The following MCF2L variants were observed in gnomAD, a reference collection of about 807,000 sequenced individuals.
MCF2L encodes the protein guanine nucleotide exchange factor DBS.
In MCF2L, 97 loss-of-function variants were observed where a neutral mutation model predicts 153.4. The ratio of observed to expected loss-of-function variants is 0.63; its 90% CI spans 0.54 to 0.75. The LOEUF is 0.75. MCF2L is among the 30% of genes least tolerant of loss of function. The pLI is 0.00. For missense variants in MCF2L, 1,347 were observed against 1,495.2 expected, an observed-to-expected ratio of 0.90 and a Z score of 1.64; for synonymous variants, 659 against 632.2, an observed-to-expected ratio of 1.04 and a Z score of -0.64.
intron 3 of MCF2L, chr13:113,044,431 T>C: frequency 2.1e-6 from 1 of 478,794 alleles, no homozygotes; most frequent in South Asian, 2.0e-5. Flanking sequence ...GCCCATAGAC[T>C]GCATAATTTA....
chr13:113,096,509 C>A (rs373247953), intron 28 of MCF2L, 26 bp downstream of exon 28: 43 of 1,581,964 alleles, frequency 2.7e-5, no homozygotes, highest in Non-Finnish European at 3.5e-5. Context: ...CAGCCCCGGA[C>A]TGCCCCGCAC....
At chr13:112,923,201 G>A (rs1436311481) in intron 2 of MCF2L, among the ~76,000 whole-genome samples, 1 of 150,102 alleles carries the variant, frequency 6.7e-6, no homozygotes, top group East Asian at 2.0e-4. Flanking sequence ...CTAGGTGTCA[G>A]AGAGTACGTG....
rs2032857367 is a variant in MCF2L, at chr13:113,070,987, C to T, written c.996+814C>T. ...AGGGTTATATAGTAGTTGCATGTTT[C>T]GTTTAAGAAAATGCCAAACGGTTCT... On this transcript the variant is annotated intron_variant, in intron 9 of 29. Coordinates refer to ENST00000535094, the MANE Select transcript of MCF2L (RefSeq NM_001112732.3). This position sits in a 1 kb window ranked among gnomAD's most constrained non-coding sequence, Gnocchi z 5.6. Among the ~76,000 whole-genome samples the T allele has an allele frequency of 6.6e-6, 1 of 152,152 alleles. No homozygotes were observed. The highest frequency in any genetic ancestry group is 2.1e-4 in the South Asian group (1 of 4,822).
At chr13:112,980,285 A>C (rs1309637963) in intron 1 of MCF2L, among the ~76,000 whole-genome samples, 1 of 152,240 alleles carries the variant, frequency 6.6e-6, no homozygotes. Flanking sequence ...TTCACTTCAG[A>C]GGAGCAAGGG....
intron 16 of MCF2L, among the ~76,000 whole-genome samples, chr13:113,082,064 C>T (rs568730479): frequency 2.4e-4 from 36 of 151,774 alleles, no homozygotes; most frequent in African/African-American, 7.7e-4. Flanking sequence ...CAAATGTAGA[C>T]GGGTGTCTGA....
chr13:112,898,234 C>G (rs933988943), intron 1 of MCF2L, among the ~76,000 whole-genome samples: 5 of 152,192 alleles, frequency 3.3e-5, no homozygotes, highest in Non-Finnish European at 7.3e-5. Context: ...CTGCTTCCCC[C>G]GCATGTGTGG....
rs373803094 is a variant in MCF2L at position 113,086,359 on chromosome 13, T to A, written c.2373+110T>A. ...CCTCGCTTTGGTGTGAATGTGCAGG[T>A]TCTGGGCAGGAGGTCTGGGGTGGTC... is the stretch of plus-strand genomic sequence containing the variant. On this transcript the variant is annotated intron_variant, in intron 21 of 29. Coordinates refer to ENST00000535094, the MANE Select transcript of MCF2L (RefSeq NM_001112732.3). The A allele has an allele frequency of 5.6e-5, 83 of 1,494,812 alleles. No homozygotes were observed. The East Asian group carries it at 1.3e-3, about 23-fold the overall frequency. The allele number at this position is 1,494,812 out of a possible 1,614,324, so 92.6% of individuals were successfully genotyped here. A position where few individuals can be genotyped will look rare whatever the true frequency, so the allele number is the denominator to read the frequency against.
chr13:112,955,691 G>A (rs1305526830), intron 2 of MCF2L, among the ~76,000 whole-genome samples: 3 of 152,178 alleles, frequency 2.0e-5, no homozygotes, highest in Admixed American at 6.5e-5. Context: ...CTGCGCTGGA[G>A]GCTGTTTCCA....
intron 4 of MCF2L, among the ~76,000 whole-genome samples, chr13:113,050,242 G>A (rs1245699927): frequency 6.7e-6 from 1 of 150,366 alleles, no homozygotes; most frequent in Non-Finnish European, 1.5e-5. Flanking sequence ...GTGAGTGTGT[G>A]CGCGAGTGGG....
chr13:112,916,212 T>G (rs1357985369), intron 2 of MCF2L, among the ~76,000 whole-genome samples: 1 of 147,790 alleles, frequency 6.8e-6, no homozygotes, highest in East Asian at 2.0e-4. Flanking sequence ...CCGAGGCGAC[T>G]TTTCCCCTTT....
upstream of MCF2L, chr13:112,965,707 C>G (rs1039016681): frequency 6.6e-6 from 1 of 152,288 alleles, no homozygotes; most frequent in African/African-American, 2.4e-5. Flanking sequence ...GCCCTGCCTG[C>G]TCCAGCTCCC....
intron 2 of MCF2L, among the ~76,000 whole-genome samples, chr13:112,937,676 G>A (rs1277803064): frequency 6.6e-6 from 1 of 152,192 alleles, no homozygotes; most frequent in Non-Finnish European, 1.5e-5. Context: ...GTTCTGATTG[G>A]TTGATACAGC....
chr13:112,961,779 C>A (rs917307402), intron 2 of MCF2L, among the ~76,000 whole-genome samples: 1 of 152,250 alleles, frequency 6.6e-6, no homozygotes, highest in Non-Finnish European at 1.5e-5. Context: ...CTTCCTGTGA[C>A]ACTGAGTCCT....
chr13:112,926,346 A>G (rs58917460), intron 2 of MCF2L, among the ~76,000 whole-genome samples: 659 of 92,678 alleles, frequency 7.1e-3, no homozygotes, highest in Middle Eastern at 0.017. Context: ...TACATACACA[A>G]CGGAGTGCTG....
chr13:112,961,570 T>TCCCAGG lies in MCF2L; in HGVS notation c.170-53184_170-53179dup, dbSNP rs1427274545. Among the ~76,000 whole-genome samples, 18 of 152,168 alleles carry TCCCAGG rather than the reference T, an allele frequency of 1.2e-4. No individual in the cohort carries two copies. The East Asian group carries it at 3.1e-3, about 26-fold the overall frequency. ...CTGCTGCTGTGGGCTTGGTGTGGGG[T>TCCCAGG]CCCAGGCCCAGGCCAGAGCCCACCC... On this transcript the variant is annotated intron_variant, in intron 2 of 29. Coordinates refer to the MCF2L transcript ENST00000375608.
chr13:112,909,629 G>T, intron 2 of MCF2L: 1 of 290,496 alleles, frequency 3.4e-6, no homozygotes. Context: ...AAATGAAGAG[G>T]GTTGTTTTGT....
At chr13:113,017,689 C>G (rs957170670) in intron 2 of MCF2L, among the ~76,000 whole-genome samples, 1 of 152,076 alleles carries the variant, frequency 6.6e-6, no homozygotes, top group African/African-American at 2.4e-5. Context: ...CTCCCTGTCT[C>G]GCTCCACTCG....
chr13:112,960,062 C>A lies in MCF2L; in HGVS notation c.170-54701C>A, dbSNP rs942268527. 3.3e-5 allele frequency among the ~76,000 whole-genome samples: 5 copies of A among 152,256 alleles called. No individual in the cohort carries two copies. The highest frequency in any genetic ancestry group is 1.9e-4 in the East Asian group (1 of 5,200). Reference sequence around the variant, plus strand: ...TCCCTCGGTAACTTCAGGGCAGAGGCCTTCTGTCCCGGACGCCTGCCCTCA... The same window carrying A: ...TCCCTCGGTAACTTCAGGGCAGAGGACTTCTGTCCCGGACGCCTGCCCTCA... On this transcript the variant is annotated intron_variant, in intron 2 of 29. Transcript: ENST00000375608. This position sits in a 1 kb window ranked among gnomAD's most constrained non-coding sequence, Gnocchi z 4.2.
chr13:113,050,091 G>A (rs1341163210), intron 4 of MCF2L, among the ~76,000 whole-genome samples: 1 of 152,190 alleles, frequency 6.6e-6, no homozygotes, highest in African/African-American at 2.4e-5. Context: ...TCCTCAGATA[G>A]AAGCATCTTT....
Sources: allele counts gnomAD v4.1 joint callset (sites outside exome capture counted in the v4.1 genomes callset), GRCh38; gene constraint gnomAD v4.1.1; non-coding constraint Gnocchi (gnomAD v3.1); transcripts MANE v1.5; gene names NCBI Gene and HGNC (gene_info 2026-07-23, HGNC 2026-07-21).